Variants in ARHGAP21 observed in about 807,000 individuals in gnomAD.
ARHGAP21 encodes Rho GTPase activating protein 21.
ARHGAP21 carries 38 observed loss-of-function variants against 164.6 expected under a neutral mutation model. The ratio of observed to expected loss-of-function variants is 0.23; its 90% CI spans 0.18 to 0.30. The LOEUF is 0.30. ARHGAP21 is among the 10% of genes least tolerant of loss of function. ARHGAP21 has a pLI of 1.00. For missense variants in ARHGAP21, 1,822 were observed against 2,370.7 expected (o/e 0.77, Z 4.81); for synonymous variants, 766 against 857.9 (o/e 0.89, Z 1.87).
At chr10:24,646,573 CT>C (rs1368187120) in intron 4 of ARHGAP21, among the ~76,000 whole-genome samples, 9 of 152,246 alleles carry the variant, frequency 5.9e-5, no homozygotes, top group African/African-American at 2.2e-4. Context: ...GATTGTACCA[CT>C]GCACTCCAGC....
chr10:24,694,791 C>T (rs548681921), intron 2 of ARHGAP21, among the ~76,000 whole-genome samples: 2 of 152,244 alleles, frequency 1.3e-5, no homozygotes, highest in African/African-American at 4.8e-5. Flanking sequence ...ACAGTGCACG[C>T]CTGTAATCCC....
At position 24,623,790 on chromosome 10, in the gene ARHGAP21, T is replaced by C. The variant is rs147073503; in HGVS notation, c.496-1028A>G. Among the ~76,000 whole-genome samples, 30 of 152,318 alleles carry C rather than the reference T, an allele frequency of 2.0e-4. No homozygotes were observed. In the East Asian group the frequency reaches 4.2e-3, roughly 22 times the overall value. The stretch of plus-strand genomic sequence containing the variant: ...AAAACCACGACGACACTAATGTACA[T>C]TGTGAAATTCGAAAGGAAAATATAA... On this transcript the variant is annotated intron_variant, in intron 7 of 25. Coordinates refer to ENST00000396432, the MANE Select transcript of ARHGAP21 (RefSeq NM_020824.4).
At chr10:24,593,982 C>G (rs1370778255) in intron 21 of ARHGAP21, among the ~76,000 whole-genome samples, 1 of 152,026 alleles carries the variant, frequency 6.6e-6, no homozygotes, top group Non-Finnish European at 1.5e-5. Flanking sequence ...GGTTGACACT[C>G]TTCTCATAAT....
At chr10:24,610,425 C>CTCTT (rs2077208823) in intron 9 of ARHGAP21, among the ~76,000 whole-genome samples, 1 of 151,094 alleles carries the variant, frequency 6.6e-6, no homozygotes. Context: ...AGACCCAGAG[C>CTCTT]TCTTTATAAT....
At chr10:24,592,599 G>A (rs981970929) in intron 21 of ARHGAP21, among the ~76,000 whole-genome samples, 3 of 151,842 alleles carry the variant, frequency 2.0e-5, no homozygotes, top group Admixed American at 2.0e-4. Flanking sequence ...CTTGAGCCCA[G>A]GAGTTCAAGA....
At chr10:24,679,208 A>C (rs1430338476) in intron 2 of ARHGAP21, among the ~76,000 whole-genome samples, 1 of 152,316 alleles carries the variant, frequency 6.6e-6, no homozygotes, top group African/African-American at 2.4e-5. Flanking sequence ...GTTGCTTATA[A>C]ACAACTGAAA....
chr10:24,677,034 A>G (rs965446391), intron 2 of ARHGAP21, among the ~76,000 whole-genome samples: 1 of 152,066 alleles, frequency 6.6e-6, no homozygotes, highest in African/African-American at 2.4e-5. Context: ...AGCCTGGCCA[A>G]CCTGGTGAAG....
chr10:24,667,569 T>C (rs1173446389), intron 3 of ARHGAP21, among the ~76,000 whole-genome samples: 1 of 152,246 alleles, frequency 6.6e-6, no homozygotes, highest in African/African-American at 2.4e-5. Flanking sequence ...GCTGCCATGT[T>C]ATCTACCTCT....
rs777215487 is a variant in ARHGAP21 at position 24,604,295 on chromosome 10, AAC to A, written c.2721+15_2721+16del. 4.1e-4 allele frequency: 640 copies of A among 1,552,742 alleles called. 2 individuals are homozygous for A. Among genetic ancestry groups the A allele is most frequent in the Non-Finnish European group, 5.2e-4 (601 of 1,148,506 alleles). On this transcript the variant is annotated intron_variant, in intron 12 of 25. Transcript: ENST00000396432. ...GAAGAGATAAACTAAGGTAAGTAGA[AAC>A]ACTCTAATACCAACCTTGATTCCCT... is the stretch of plus-strand genomic sequence containing the variant.
chr10:24,617,347 T>C (rs1250908014), intron 9 of ARHGAP21, among the ~76,000 whole-genome samples: 1 of 152,198 alleles, frequency 6.6e-6, no homozygotes. Context: ...GAAGAAAATA[T>C]GATGCCACTG....
chr10:24,721,128 T>C (rs554609885), intron 2 of ARHGAP21, among the ~76,000 whole-genome samples: 9 of 152,152 alleles, frequency 5.9e-5, no homozygotes, highest in African/African-American at 2.2e-4. Flanking sequence ...GGGAAGATGT[T>C]AGATGCTAGA....
intron 4 of ARHGAP21, among the ~76,000 whole-genome samples, chr10:24,657,399 G>A (rs1298150228): frequency 1.3e-3 from 100 of 76,604 alleles, no homozygotes; most frequent in South Asian, 2.2e-3. Flanking sequence ...CCCTCTGCCC[G>A]GCCAGCCGCC....
Position 24,589,179 on chromosome 10 carries a change from CAT to C in ARHGAP21, c.4182+90_4182+91del, listed in dbSNP as rs572537024. The C allele has an allele frequency of 8.4e-5, 89 of 1,058,694 alleles. No homozygotes were observed. In the African/African-American group the frequency reaches 1.0e-3, roughly 12 times the overall value. The allele number at this position is 1,058,694 out of a possible 1,614,324, so 65.6% of individuals were successfully genotyped here. A position where few individuals can be genotyped will look rare whatever the true frequency, so the allele number is the denominator to read the frequency against. ...TACTTTGTTGCTCTGTCTCATTAGA[CAT>C]AGAGAGGAATGCATTTGTGTATCAA... On this transcript the variant is annotated intron_variant, in intron 25 of 25. Transcript: ENST00000396432.
chr10:24,620,834 T>C lies in ARHGAP21; in HGVS notation c.1061A>G (p.His354Arg). The C allele has an allele frequency of 6.2e-7, 1 of 1,614,110 alleles. No homozygotes were observed. The highest frequency in any genetic ancestry group is 1.1e-5 in the South Asian group (1 of 91,080). The part of the protein sequence containing the change: ...ILLKSGNYSG[H>R]SDGISSSRSQ... ...TCTGCTGCTTGAGATTCCATCAGAA[T>C]GTCCACTGTAATTTCCAGACTTAAG... Residue 354 changes from histidine to arginine, a missense_variant, in exon 9 of 26, where the codon CAT (histidine) becomes CGT (arginine). Physicochemically the swap from His to Arg is conservative, Grantham distance 29. Transcript: ENST00000396432.
chr10:24,683,918 A>T (rs955686009), intron 2 of ARHGAP21, among the ~76,000 whole-genome samples: 1 of 152,192 alleles, frequency 6.6e-6, no homozygotes, highest in Non-Finnish European at 1.5e-5. Flanking sequence ...TTAGAGAAAA[A>T]CAAATCAAAA....
intron 21 of ARHGAP21, among the ~76,000 whole-genome samples, chr10:24,593,327 A>C (rs2076420316): frequency 6.6e-6 from 1 of 152,218 alleles, no homozygotes; most frequent in African/African-American, 2.4e-5. Context: ...GTCTCCCTCT[A>C]GAATATGTAC....
At chr10:24,594,072 A>G (rs920747807) in intron 21 of ARHGAP21, among the ~76,000 whole-genome samples, 1 of 152,178 alleles carries the variant, frequency 6.6e-6, no homozygotes, top group African/African-American at 2.4e-5. Flanking sequence ...TACCTTAAGG[A>G]AAAATCACTC....
rs765524639 is a variant in ARHGAP21 at position 24,596,796 on chromosome 10, C to A, written c.3421G>T (p.Ala1141Ser). The stretch of plus-strand genomic sequence containing the variant: ...AGTCGGACGCCGAAAGTTCCTGTAG[C>A]AGTTGGCTTTTTCTCAAATGTCTTT... ...MRKTFEKKPT[A>S]TGTFGVRLDD... Residue 1141 changes from alanine to serine, a missense_variant, in exon 17 of 26, where the codon GCT becomes TCT. Ala to Ser is a moderately conservative substitution (Grantham distance 99, BLOSUM62 1). Coordinates refer to ENST00000396432, the MANE Select transcript of ARHGAP21 (RefSeq NM_020824.4). 10 of 1,613,162 alleles carry A rather than the reference C, an allele frequency of 6.2e-6. No individual in the cohort carries two copies. The highest frequency in any genetic ancestry group is 1.7e-5 in the Admixed American group (1 of 59,780).
Position 24,619,876 on chromosome 10 carries a change from G to A in ARHGAP21, c.2019C>T (p.Pro673=), listed in dbSNP as rs754327549. The change falls in exon 9 of 26, where the codon CCC becomes CCT. Residue 673 remains proline, a synonymous_variant. Coordinates refer to ENST00000396432, the MANE Select transcript of ARHGAP21 (RefSeq NM_020824.4). ...ATTTCCCAGTCTCCACTTGCTGATCGGGGGCACTGTCAGTCCTTACCCATG... is the reference window on the plus strand; with the variant it reads ...ATTTCCCAGTCTCCACTTGCTGATCAGGGGCACTGTCAGTCCTTACCCATG... ...QQTWVRTDSA[P]DQQVETGKSP... 60 of 1,614,006 alleles carry A rather than the reference G, an allele frequency of 3.7e-5. No individual in the cohort carries two copies. Among genetic ancestry groups the A allele is most frequent in the Admixed American group, 5.0e-5 (3 of 59,998 alleles).
Sources: allele counts gnomAD v4.1 joint callset (sites outside exome capture counted in the v4.1 genomes callset), GRCh38; gene constraint gnomAD v4.1.1; transcripts MANE v1.5; gene names NCBI Gene and HGNC (gene_info 2026-07-23, HGNC 2026-07-21).